FARS2: variants seen among roughly 807,000 people sequenced by gnomAD.
FARS2 encodes the protein phenylalanine--tRNA ligase, mitochondrial.
Under a neutral mutation model 46.4 loss-of-function variants are expected in FARS2, and 40 were observed. That is an observed-to-expected ratio of 0.86 (90% confidence interval 0.67 to 1.12). The LOEUF is 1.12. Among genes scored for constraint, FARS2 ranks in the 50% most tolerant of loss-of-function variants. The pLI is 0.00. For synonymous variants in FARS2, 234 were observed against 214.9 expected (o/e 1.09, Z -0.78); for missense variants, 513 against 567.9 (o/e 0.90, Z 0.98).
At chr6:5,287,865 C>A (rs1219782796) in intron 1 of FARS2, among the ~76,000 whole-genome samples, 1 of 152,106 alleles carries the variant, frequency 6.6e-6, no homozygotes, top group Admixed American at 6.5e-5. Flanking sequence ...TTTGTGGCCA[C>A]ACTTGGGAAA....
chr6:5,571,034 T>G (rs563944039), intron 5 of FARS2, among the ~76,000 whole-genome samples: 8 of 152,378 alleles, frequency 5.3e-5, no homozygotes, highest in African/African-American at 1.9e-4. Flanking sequence ...AAATTTTTCG[T>G]GAAGACTTGG....
At chr6:5,667,932 A>G (rs901711114) in intron 6 of FARS2, 2 of 152,270 alleles carry the variant, frequency 1.3e-5, no homozygotes, top group African/African-American at 4.8e-5. Flanking sequence ...ACTTTCTAAC[A>G]TCGATGTGGG....
chr6:5,341,225 ATATATATATATTTTTTTTTTTT>A lies in FARS2; in HGVS notation c.-21-27323_-21-27302del, dbSNP rs1372179738. Among the ~76,000 whole-genome samples, 4 of 4,878 alleles carry A rather than the reference ATATATATATATTTTTTTTTTTT, an allele frequency of 8.2e-4. 1 individual carries two copies. The highest frequency in any genetic ancestry group is 3.8e-3 in the African/African-American group (4 of 1,066). 3.2% of individuals were successfully genotyped at this position (4,878 alleles called of 152,430 possible). A position where few individuals can be genotyped will look rare whatever the true frequency, so the allele number is the denominator to read the frequency against. On this transcript the variant is annotated intron_variant, in intron 1 of 6. Coordinates refer to ENST00000274680, the MANE Select transcript of FARS2 (RefSeq NM_006567.5). ...TATATATATATATATATATATATAT[ATATATATATATTTTTTTTTTTT>A]TTTTTTTTTTCCCTGTGAGAGCAGT...
chr6:5,732,084 A>G (rs1760664819), intron 6 of FARS2, among the ~76,000 whole-genome samples: 1 of 152,188 alleles, frequency 6.6e-6, no homozygotes, highest in Non-Finnish European at 1.5e-5. Context: ...TGTTCTTCTT[A>G]TGTGAGTGTC....
chr6:5,341,218 T>G (rs1771578505), intron 1 of FARS2, among the ~76,000 whole-genome samples: 1 of 7,448 alleles, frequency 1.3e-4, no homozygotes, highest in African/African-American at 4.4e-4. Context: ...TATATATATA[T>G]ATATATATAT....
intron 6 of FARS2, among the ~76,000 whole-genome samples, chr6:5,702,403 ATTC>A (rs1758499972): frequency 6.6e-6 from 1 of 152,214 alleles, no homozygotes; most frequent in African/African-American, 2.4e-5. Context: ...TTTACTTTCT[ATTC>A]TTCTTATCCT....
At chr6:5,409,323 C>T (rs148787325) in intron 3 of FARS2, among the ~76,000 whole-genome samples, 2,114 of 152,122 alleles carry the variant, frequency 0.014, 56 homozygotes, top group African/African-American at 0.048. Context: ...TGGTGGCACA[C>T]GCCTGTAGTC....
chr6:5,730,530 T>C (rs1760554385), intron 6 of FARS2, among the ~76,000 whole-genome samples: 1 of 152,002 alleles, frequency 6.6e-6, no homozygotes, highest in South Asian at 2.1e-4. Context: ...TTTTTTTTTT[T>C]ACAACTAGAA....
At chr6:5,452,428 G>A (rs1764550618) in intron 4 of FARS2, 1 of 152,346 alleles carries the variant, frequency 6.6e-6, no homozygotes, top group Non-Finnish European at 1.5e-5. Context: ...CTTGCCCGTG[G>A]GTACTCCATG....
At chr6:5,328,378 A>G (rs1244532075) in intron 1 of FARS2, among the ~76,000 whole-genome samples, 2 of 152,188 alleles carry the variant, frequency 1.3e-5, no homozygotes, top group African/African-American at 4.8e-5. Flanking sequence ...CATGAGTGAT[A>G]CAAAGTTAGG....
At chr6:5,266,808 A>G (rs1765578371) in intron 1 of FARS2, among the ~76,000 whole-genome samples, 1 of 152,206 alleles carries the variant, frequency 6.6e-6, no homozygotes, top group African/African-American at 2.4e-5. Flanking sequence ...TGTTGATTTT[A>G]TACTAGCTTT....
upstream of FARS2, chr6:5,261,164 T>C (rs561009730): frequency 3.0e-4 from 49 of 161,832 alleles, no homozygotes; most frequent in South Asian, 7.8e-3. Context: ...ACGGAGAGCC[T>C]TTGGGAACCG....
chr6:5,324,219 G>C (rs947058723), intron 1 of FARS2, among the ~76,000 whole-genome samples: 1 of 152,164 alleles, frequency 6.6e-6, no homozygotes, highest in Non-Finnish European at 1.5e-5. Context: ...TCTTACAGTA[G>C]TGACAAACTC....
At chr6:5,301,367 T>G (rs1768286748) in intron 1 of FARS2, among the ~76,000 whole-genome samples, 1 of 152,088 alleles carries the variant, frequency 6.6e-6, no homozygotes, top group African/African-American at 2.4e-5. Flanking sequence ...AGGAGGATCC[T>G]TTGAGCCTAG....
intron 5 of FARS2, among the ~76,000 whole-genome samples, chr6:5,582,400 C>T (rs1773389229): frequency 6.6e-6 from 1 of 152,146 alleles, no homozygotes; most frequent in Non-Finnish European, 1.5e-5. Context: ...ACTTATGGAC[C>T]CACGGTGGCT....
intron 2 of FARS2, among the ~76,000 whole-genome samples, chr6:5,403,616 T>C (rs1750515098): frequency 6.6e-6 from 1 of 152,254 alleles, no homozygotes; most frequent in South Asian, 2.1e-4. Flanking sequence ...TAAGAATTTC[T>C]GTATTTTTTT....
chr6:5,687,109 G>A (rs1417942857), intron 6 of FARS2, among the ~76,000 whole-genome samples: 3 of 152,228 alleles, frequency 2.0e-5, no homozygotes, highest in Non-Finnish European at 2.9e-5. Flanking sequence ...CCCTTTGTCA[G>A]ATAAGTAGAT....
intron 4 of FARS2, among the ~76,000 whole-genome samples, chr6:5,496,250 G>A (rs958693275): frequency 1.1e-4 from 16 of 152,108 alleles, no homozygotes; most frequent in East Asian, 3.9e-4. Flanking sequence ...GCTTAAGTGC[G>A]CCATTTGTCA....
At chr6:5,497,804 T>G (rs1767560351) in intron 4 of FARS2, among the ~76,000 whole-genome samples, 1 of 152,236 alleles carries the variant, frequency 6.6e-6, no homozygotes, top group Admixed American at 6.5e-5. Flanking sequence ...ATGTAATCCT[T>G]TCATTTATTC....
Sources: allele counts gnomAD v4.1 joint callset (sites outside exome capture counted in the v4.1 genomes callset), GRCh38; gene constraint gnomAD v4.1.1; transcripts MANE v1.5; gene names NCBI Gene and HGNC (gene_info 2026-07-23, HGNC 2026-07-21).